The following EYS variants were observed in gnomAD, a reference collection of about 807,000 sequenced individuals.
EYS encodes the protein EGF-like photoreceptor maintenance factor.
In EYS, 250 loss-of-function variants were observed where a neutral mutation model predicts 282.1. The observed-to-expected ratio is 0.89, with a 90% CI of 0.80 to 0.98. The LOEUF (loss-of-function observed/expected upper bound fraction) is 0.98. Among genes scored for constraint, EYS ranks in the 50% least tolerant of loss-of-function variants. The pLI, the probability that EYS is intolerant of heterozygous loss-of-function variation, is 0.00. For synonymous variants in EYS, 1,355 were observed against 1,282.9 expected (o/e 1.06, Z -1.20); for missense variants, 4,016 against 3,709.0 (o/e 1.08, Z -2.15).
At chr6:64,074,609 T>G (rs1279671602) in intron 32 of EYS, among the ~76,000 whole-genome samples, 1 of 151,708 alleles carries the variant, frequency 6.6e-6, no homozygotes, top group Admixed American at 6.6e-5. Flanking sequence ...TTTATAAATA[T>G]TCAAAAGAGG....
At chr6:65,425,258 C>T (rs147853284) in intron 5 of EYS, among the ~76,000 whole-genome samples, 5 of 152,162 alleles carry the variant, frequency 3.3e-5, no homozygotes, top group Admixed American at 3.3e-4. Flanking sequence ...TAGATGTGTT[C>T]TCCATGATCA....
chr6:64,815,845 G>A lies in EYS; in HGVS notation c.3244-2268C>T, dbSNP rs139951144. The stretch of plus-strand genomic sequence containing the variant: ...ATATTATGCCAGGAAATGTACAGGA[G>A]CATGAAAGGAACAGGGCAGTGATAT... On this transcript the variant is annotated intron_variant, in intron 21 of 42. Coordinates refer to ENST00000503581, the MANE Select transcript of EYS (RefSeq NM_001142800.2). 2.7e-3 allele frequency among the ~76,000 whole-genome samples: 405 copies of A among 152,092 alleles called. 8 individuals carry two copies. The highest frequency in any genetic ancestry group is 9.1e-3 in the African/African-American group (380 of 41,542).
intron 31 of EYS, among the ~76,000 whole-genome samples, chr6:64,225,266 A>C (rs899052107): frequency 2.0e-5 from 3 of 152,092 alleles, no homozygotes; most frequent in Non-Finnish European, 4.4e-5. Context: ...CTGAAAGATG[A>C]CCAGAGGTCC....
chr6:64,707,598 G>A (rs192491624), intron 22 of EYS, among the ~76,000 whole-genome samples: 2 of 151,578 alleles, frequency 1.3e-5, no homozygotes, highest in Non-Finnish European at 2.9e-5. Context: ...GAACCCGGGA[G>A]GCCTTGCAGT....
intron 15 of EYS, among the ~76,000 whole-genome samples, chr6:64,937,882 T>C (rs967329111): frequency 1.3e-5 from 2 of 151,624 alleles, no homozygotes; most frequent in Non-Finnish European, 3.0e-5. Context: ...AATCAACATG[T>C]TTATCAGCTG....
At chr6:64,580,115 C>A (rs1477486231) in intron 26 of EYS, among the ~76,000 whole-genome samples, 2 of 152,058 alleles carry the variant, frequency 1.3e-5, no homozygotes, top group Non-Finnish European at 2.9e-5. Flanking sequence ...CATAGCTAAG[C>A]CTTCTTAACC....
At chr6:64,070,825 G>C (rs1414143288) in intron 32 of EYS, among the ~76,000 whole-genome samples, 1 of 151,992 alleles carries the variant, frequency 6.6e-6, no homozygotes, top group Admixed American at 6.6e-5. Context: ...AGAATACAAT[G>C]ACCGCTAGTA....
intron 26 of EYS, among the ~76,000 whole-genome samples, chr6:64,504,204 TG>T (rs1321145110): frequency 6.6e-6 from 1 of 152,194 alleles, no homozygotes; most frequent in African/African-American, 2.4e-5. Context: ...ATCTCTGAAA[TG>T]GTACATTCTT....
At chr6:64,015,131 C>T (rs1768831405) in intron 33 of EYS, among the ~76,000 whole-genome samples, 1 of 151,888 alleles carries the variant, frequency 6.6e-6, no homozygotes, top group Admixed American at 6.6e-5. Flanking sequence ...AATAAGTAAC[C>T]ATGATGATGA....
At chr6:64,747,334 C>T (rs1175836292) in intron 22 of EYS, among the ~76,000 whole-genome samples, 3 of 152,116 alleles carry the variant, frequency 2.0e-5, no homozygotes, top group South Asian at 2.1e-4. Flanking sequence ...CTTATGTTGG[C>T]GTCATTTTTG....
At chr6:64,395,547 C>A (rs1366129201) in intron 28 of EYS, among the ~76,000 whole-genome samples, 1 of 151,228 alleles carries the variant, frequency 6.6e-6, no homozygotes, top group Non-Finnish European at 1.5e-5. Flanking sequence ...AAACCAAACA[C>A]CGCATATTCT....
chr6:65,278,671 C>A (rs970450886), intron 12 of EYS, among the ~76,000 whole-genome samples: 2 of 151,922 alleles, frequency 1.3e-5, no homozygotes, highest in African/African-American at 4.8e-5. Context: ...TTGTCATGCT[C>A]ACTATTGTAT....
intron 12 of EYS, among the ~76,000 whole-genome samples, chr6:65,070,419 T>TG (rs778206856): frequency 2.6e-5 from 4 of 151,902 alleles, no homozygotes; most frequent in Non-Finnish European, 4.4e-5. Context: ...CATCCACACT[T>TG]AGCAGTCACT....
chr6:64,986,767 T>C (rs144222215), intron 14 of EYS, among the ~76,000 whole-genome samples: 2 of 150,674 alleles, frequency 1.3e-5, no homozygotes, highest in Non-Finnish European at 3.0e-5. Flanking sequence ...AAAATTGATG[T>C]ATTTTAGAAA....
rs149141964 is a variant in EYS, at chr6:65,527,771, T to G, written c.-332-31778A>C. 3.3e-4 allele frequency among the ~76,000 whole-genome samples: 51 copies of G among 152,340 alleles called. No individual in the cohort carries two copies. In the East Asian group the frequency reaches 8.7e-3, roughly 26 times the overall value. On this transcript the variant is annotated intron_variant, in intron 2 of 42. Transcript: ENST00000503581. ...CAAAATGAAAGTCATTCATCCATAG[T>G]AGACATGATAAACTGTGTAGATATG...
At chr6:63,770,741 T>C (rs775705505) in intron 40 of EYS, among the ~76,000 whole-genome samples, 30 of 152,164 alleles carry the variant, frequency 2.0e-4, no homozygotes, top group Non-Finnish European at 3.4e-4. Flanking sequence ...ACATTTTACC[T>C]GCCAAAATTT....
chr6:63,900,784 C>T (rs1234938010), intron 35 of EYS, among the ~76,000 whole-genome samples: 3 of 151,986 alleles, frequency 2.0e-5, no homozygotes, highest in African/African-American at 7.3e-5. Context: ...CAGGAATGAC[C>T]TACAGGAAGG....
intron 2 of EYS, among the ~76,000 whole-genome samples, chr6:65,637,578 C>G (rs1767133818): frequency 6.6e-6 from 1 of 152,222 alleles, no homozygotes; most frequent in Admixed American, 6.5e-5. Flanking sequence ...CATCACTGCA[C>G]TCTTGGGGGC....
chr6:64,135,714 G>T (rs1037539824), intron 31 of EYS, among the ~76,000 whole-genome samples: 1 of 152,036 alleles, frequency 6.6e-6, no homozygotes, highest in African/African-American at 2.4e-5. Context: ...ACATTATACT[G>T]TAGTTTAAGT....
Sources: gnomAD v4.1 joint callset for allele counts (sites outside exome capture counted in the v4.1 genomes callset) on GRCh38, gnomAD v4.1.1 for gene constraint, MANE v1.5 for transcripts, NCBI Gene and HGNC (gene_info 2026-07-23, HGNC 2026-07-21) for gene names.